Variants in NIPBL observed in about 807,000 individuals in gnomAD.
The protein encoded by NIPBL is nipped-B-like protein.
A neutral mutation model predicts 321.8 loss-of-function variants in NIPBL; 19 were observed. The ratio of observed to expected loss-of-function variants is 0.06; its 90% CI spans 0.04 to 0.09. The LOEUF is 0.09. NIPBL is among the 10% of genes least tolerant of loss of function. The probability of loss-of-function intolerance (pLI) is 1.00; values close to 1 mark genes in which losing one functional copy is unlikely to be tolerated. For missense variants in NIPBL, 2,210 were observed against 3,327.0 expected (o/e 0.66, Z 8.26); for synonymous variants, 1,106 against 1,114.1 (o/e 0.99, Z 0.14).
At chr5:36,980,639 T>C (rs1744033783) in intron 9 of NIPBL, among the ~76,000 whole-genome samples, 1 of 151,700 alleles carries the variant, frequency 6.6e-6, no homozygotes, top group African/African-American at 2.4e-5. Flanking sequence ...CAATAAGCTA[T>C]ACCATATAGC....
intron 3 of NIPBL, among the ~76,000 whole-genome samples, chr5:36,957,779 T>TA (rs535298754): frequency 5.5e-4 from 84 of 152,140 alleles, no homozygotes; most frequent in Non-Finnish European, 1.0e-3. Flanking sequence ...GGTCAGGAGT[T>TA]AGAGACCAGC....
In NIPBL at chr5:36,996,578, GTTC is replaced by G. The variant is rs1393617165; in HGVS notation, c.3304+779_3304+781del. Reference sequence around the variant, plus strand: ...GTCTTCCTACTGGTCCACTGAAAAAGTTCTTCTCTTTTATCCCTATCTTCCTTC... The same window carrying G: ...GTCTTCCTACTGGTCCACTGAAAAAGTTCTCTTTTATCCCTATCTTCCTTC... On this transcript the variant is annotated intron_variant, in intron 11 of 46. Coordinates refer to ENST00000282516, the MANE Select transcript of NIPBL (RefSeq NM_133433.4). This position sits in a 1 kb window ranked among gnomAD's most constrained non-coding sequence, Gnocchi z 5.0. 6.6e-6 allele frequency: 3 copies of G among 454,574 alleles called. No individual in the cohort carries two copies. The highest frequency in any genetic ancestry group is 1.3e-5 in the Non-Finnish European group (3 of 225,876). 28.2% of individuals were successfully genotyped at this position (454,574 alleles called of 1,614,324 possible). A position where few individuals can be genotyped will look rare whatever the true frequency, so the allele number is the denominator to read the frequency against.
chr5:37,048,020 A>G (rs1408306017), intron 38 of NIPBL, among the ~76,000 whole-genome samples: 1 of 152,112 alleles, frequency 6.6e-6, no homozygotes. Flanking sequence ...TCAATGTAGT[A>G]CCTTCTGCTG....
intron 1 of NIPBL, among the ~76,000 whole-genome samples, chr5:36,893,639 CT>C (rs1408849644): frequency 6.6e-6 from 1 of 151,948 alleles, no homozygotes; most frequent in Non-Finnish European, 1.5e-5. Flanking sequence ...TTGATATGGA[CT>C]TTTTTTGAGT....
intron 9 of NIPBL, among the ~76,000 whole-genome samples, chr5:36,984,207 A>T (rs1744477763): frequency 6.6e-6 from 1 of 151,976 alleles, no homozygotes; most frequent in Non-Finnish European, 1.5e-5. Context: ...ATACAGTAAA[A>T]ACTTATATTT....
intron 6 of NIPBL, among the ~76,000 whole-genome samples, chr5:36,965,277 A>G (rs1328116594): frequency 6.6e-6 from 1 of 152,166 alleles, no homozygotes; most frequent in Non-Finnish European, 1.5e-5. Context: ...AATCAACCTA[A>G]GTCCCCCATC....
intron 32 of NIPBL, among the ~76,000 whole-genome samples, chr5:37,035,253 AAT>A (rs1455774787): frequency 6.6e-6 from 1 of 152,256 alleles, no homozygotes; most frequent in African/African-American, 2.4e-5. Context: ...CCTGAGTGAC[AAT>A]GAGACCCTGT....
intron 1 of NIPBL, among the ~76,000 whole-genome samples, chr5:36,916,600 A>T (rs1223841025): frequency 6.6e-6 from 1 of 152,090 alleles, no homozygotes; most frequent in Non-Finnish European, 1.5e-5. Context: ...TGCTGCACCC[A>T]TTAACTCGTC....
At chr5:36,999,859 C>T (rs184866810) in intron 11 of NIPBL, among the ~76,000 whole-genome samples, 60 of 152,228 alleles carry the variant, frequency 3.9e-4, no homozygotes, top group African/African-American at 1.4e-3. Context: ...TGGAATTTAT[C>T]GCTGAGTTGT....
chr5:37,002,072 G>C (rs1379922714), intron 14 of NIPBL, among the ~76,000 whole-genome samples: 1 of 152,112 alleles, frequency 6.6e-6, no homozygotes, highest in Non-Finnish European at 1.5e-5. Flanking sequence ...AAAGAGACCA[G>C]TTAAAAAGAT....
At chr5:37,013,428 G>A (rs1159462896) in intron 21 of NIPBL, among the ~76,000 whole-genome samples, 3 of 150,918 alleles carry the variant, frequency 2.0e-5, no homozygotes, top group Non-Finnish European at 3.0e-5. Context: ...GCTGCTGGGC[G>A]GAGGGGCTCC....
In NIPBL at chr5:36,985,507, A is replaced by C; in HGVS notation, c.2327A>C (p.Lys776Thr). Residue 776 changes from lysine to threonine, a missense_variant, in exon 10 of 47, where the codon AAA becomes ACA. Physicochemically the swap from Lys to Thr is moderately conservative, Grantham distance 78. Coordinates refer to ENST00000282516, the MANE Select transcript of NIPBL (RefSeq NM_133433.4). ...TCTGGAAAGCCATCTACAGAGAAAA[A>C]ACCTGAAGTGTCTAAACATAAACAA... ...RDSGKPSTEKKPEVSKHKQDT... is the reference protein window; with the variant it reads ...RDSGKPSTEKTPEVSKHKQDT... The C allele has an allele frequency of 6.2e-7, 1 of 1,613,626 alleles. No individual in the cohort carries two copies. Among genetic ancestry groups the C allele is most frequent in the Non-Finnish European group, 8.5e-7 (1 of 1,179,898 alleles).
intron 21 of NIPBL, among the ~76,000 whole-genome samples, chr5:37,014,299 AT>A (rs919741400): frequency 4.6e-4 from 68 of 147,526 alleles, no homozygotes; most frequent in East Asian, 7.9e-4. Context: ...AAGGCTTTGA[AT>A]TTTTTTTTTT....
At chr5:36,909,557 TTGCCAGGA>T (rs1456865375) in intron 1 of NIPBL, among the ~76,000 whole-genome samples, 1 of 152,158 alleles carries the variant, frequency 6.6e-6, no homozygotes, top group African/African-American at 2.4e-5. Flanking sequence ...AAAAAATTAT[TTGCCAGGA>T]TGTTCATTTG....
At chr5:36,968,812 G>A (rs957304456) in intron 6 of NIPBL, among the ~76,000 whole-genome samples, 1 of 152,082 alleles carries the variant, frequency 6.6e-6, no homozygotes, top group African/African-American at 2.4e-5. Context: ...TTTATTTAGT[G>A]GGTGTCCCAG....
chr5:36,963,100 T>TA (rs968233246), intron 6 of NIPBL, among the ~76,000 whole-genome samples: 1 of 152,174 alleles, frequency 6.6e-6, no homozygotes, highest in Non-Finnish European at 1.5e-5. Flanking sequence ...CTTAATGTCA[T>TA]AATGTTGATA....
At chr5:37,052,876 G>A (rs77966441) in intron 42 of NIPBL, among the ~76,000 whole-genome samples, 250 of 152,184 alleles carry the variant, frequency 1.6e-3, no homozygotes, top group East Asian at 0.012. Context: ...TTTGGGAACC[G>A]ATTACCTCAA....
intron 1 of NIPBL, among the ~76,000 whole-genome samples, chr5:36,878,758 C>T (rs1745285609): frequency 1.3e-5 from 2 of 152,178 alleles, no homozygotes; most frequent in Non-Finnish European, 2.9e-5. Flanking sequence ...CTGTCACGTA[C>T]TAGGCATGTT....
chr5:36,910,665 A>C (rs562034237), intron 1 of NIPBL, among the ~76,000 whole-genome samples: 38 of 152,284 alleles, frequency 2.5e-4, no homozygotes, highest in African/African-American at 8.4e-4. Flanking sequence ...TCTTTACTCT[A>C]TAATTTATTT....
Sources: gnomAD v4.1 joint callset for allele counts (sites outside exome capture counted in the v4.1 genomes callset) on GRCh38, gnomAD v4.1.1 for gene constraint, Gnocchi (gnomAD v3.1) non-coding constraint, MANE v1.5 for transcripts, NCBI Gene and HGNC (gene_info 2026-07-23, HGNC 2026-07-21) for gene names.